TPTE: variants seen among roughly 807,000 people sequenced by gnomAD.
TPTE encodes the protein transmembrane phosphatase with tensin homology.
TPTE carries 59 observed loss-of-function variants against 84.1 expected under a neutral mutation model. The observed-to-expected ratio is 0.70, with a 90% confidence interval of 0.57 to 0.87. The LOEUF (loss-of-function observed/expected upper bound fraction) is 0.87, where lower values mean the gene tolerates loss of function less well. TPTE is among the 40% of genes least tolerant of loss of function. The probability of loss-of-function intolerance (pLI) is 0.00; values close to 1 mark genes in which losing one functional copy is unlikely to be tolerated. For synonymous variants in TPTE, 130 were observed against 223.5 expected (o/e 0.58, Z 3.73); for missense variants, 382 against 659.6 (o/e 0.58, Z 4.61).
At chr21:10,568,771 G>T (rs1222771337) in intron 11 of TPTE, among the ~76,000 whole-genome samples, 1 of 152,426 alleles carries the variant, frequency 6.6e-6, no homozygotes, top group Non-Finnish European at 1.5e-5. Flanking sequence ...CAGTATCTCT[G>T]GGACCCAGCA....
rs371883787 is a variant in TPTE at position 10,598,910 on chromosome 21, C to A, written c.1356+816C>A. Among the ~76,000 whole-genome samples, 5 of 152,424 alleles carry A rather than the reference C, an allele frequency of 3.3e-5. No individual in the cohort carries two copies. In the East Asian group the frequency reaches 9.6e-4, roughly 29 times the overall value. The stretch of plus-strand genomic sequence containing the variant: ...GCCTCTCCCGACTGAGGGCATTCAC[C>A]CAGGCCTGACCCTTGGCTTTGTGTT... On this transcript the variant is annotated intron_variant, in intron 21 of 23. Coordinates refer to ENST00000618007, the MANE Select transcript of TPTE (RefSeq NM_199261.4).
At chr21:10,591,652 G>A (rs6582751) in intron 18 of TPTE, among the ~76,000 whole-genome samples, 2,484 of 148,514 alleles carry the variant, frequency 0.017, no homozygotes, top group African/African-American at 0.063. Context: ...GAGACCCAGG[G>A]ACATGTATGC....
At chr21:10,556,914 T>C (rs2074695483) in intron 8 of TPTE, among the ~76,000 whole-genome samples, 1 of 152,304 alleles carries the variant, frequency 6.6e-6, no homozygotes, top group Non-Finnish European at 1.5e-5. Context: ...TGTAAATTTG[T>C]TTGAGTTCTT....
intron 8 of TPTE, among the ~76,000 whole-genome samples, chr21:10,557,026 A>G (rs150471): frequency 0.22 from 31,337 of 142,976 alleles, 319 homozygotes; most frequent in African/African-American, 0.48. Context: ...TTCTTTTGCT[A>G]TGCAGAAGCT....
At chr21:10,564,181 G>T (rs2074867179) in intron 10 of TPTE, among the ~76,000 whole-genome samples, 2 of 152,288 alleles carry the variant, frequency 1.3e-5, no homozygotes, top group Admixed American at 1.3e-4. Context: ...AAAACCCATT[G>T]CTCTGTTGCC....
chr21:10,596,301 T>C (rs2075587926), intron 20 of TPTE, among the ~76,000 whole-genome samples: 1 of 152,310 alleles, frequency 6.6e-6, no homozygotes, highest in African/African-American at 2.4e-5. Flanking sequence ...TTCTTTTCCA[T>C]CACCAATTTG....
chr21:10,566,537 A>G (rs541283138), intron 10 of TPTE, among the ~76,000 whole-genome samples: 3 of 152,428 alleles, frequency 2.0e-5, no homozygotes, highest in South Asian at 4.1e-4. Flanking sequence ...ATCACTATAT[A>G]GAAGAGATAT....
At chr21:10,571,233 C>T (rs2075036389) in intron 14 of TPTE, among the ~76,000 whole-genome samples, 1 of 152,312 alleles carries the variant, frequency 6.6e-6, no homozygotes, top group African/African-American at 2.4e-5. Context: ...CACTGAGGCA[C>T]TCACAGACAC....
chr21:10,570,916 A>G (rs373218479), intron 14 of TPTE, among the ~76,000 whole-genome samples: 2 of 152,302 alleles, frequency 1.3e-5, no homozygotes, highest in African/African-American at 4.8e-5. Flanking sequence ...TGACTTGGCT[A>G]CCCTCGACTG....
At chr21:10,604,172 C>G (rs1978977367) in intron 23 of TPTE, among the ~76,000 whole-genome samples, 1 of 152,430 alleles carries the variant, frequency 6.6e-6, no homozygotes, top group Non-Finnish European at 1.5e-5. Context: ...ATATGGCTTT[C>G]TAATAACTGA....
At position 10,532,539 on chromosome 21, in the gene TPTE, A is replaced by G. The variant is rs535354622; in HGVS notation, c.-44+5127A>G. Among the ~76,000 whole-genome samples the G allele has an allele frequency of 3.9e-5, 6 of 152,424 alleles. No individual in the cohort carries two copies. The East Asian group carries it at 7.7e-4, about 20-fold the overall frequency. ...TTATGTTTTGCTTCCTTATTACTCC[A>G]TAGACTTTGCCATGTGTTCCTTTTC... On this transcript the variant is annotated intron_variant, in intron 3 of 23. Transcript: ENST00000618007.
At chr21:10,571,473 C>T (rs2075042304) in intron 14 of TPTE, among the ~76,000 whole-genome samples, 2 of 152,306 alleles carry the variant, frequency 1.3e-5, no homozygotes, top group Admixed American at 6.5e-5. Flanking sequence ...CATTACACCT[C>T]CAAAGAAACA....
At chr21:10,594,323 T>C (rs1273590884) in intron 19 of TPTE, among the ~76,000 whole-genome samples, 5 of 152,306 alleles carry the variant, frequency 3.3e-5, no homozygotes, top group Non-Finnish European at 7.3e-5. Flanking sequence ...TAGAGCCCTT[T>C]GTGTTTCTTT....
chr21:10,576,548 T>A (rs1309836039), intron 14 of TPTE: 1 of 153,100 alleles, frequency 6.5e-6, no homozygotes, highest in Non-Finnish European at 1.5e-5. Flanking sequence ...GTTCATCTTT[T>A]TGACTTATTA....
chr21:10,589,767 G>T (rs1228929806), intron 17 of TPTE, among the ~76,000 whole-genome samples: 1 of 152,310 alleles, frequency 6.6e-6, no homozygotes, highest in Non-Finnish European at 1.5e-5. Flanking sequence ...ATGCTGTCCT[G>T]AGGGCTGCTT....
At chr21:10,584,879 AGTGT>A (rs56198162) in intron 17 of TPTE, among the ~76,000 whole-genome samples, 10,367 of 148,064 alleles carry the variant, frequency 0.07, 7 homozygotes, top group African/African-American at 0.15. Context: ...ATGCTTTACG[AGTGT>A]GTGTGTGTGT....
chr21:10,543,031 T>C (rs1480675022), intron 6 of TPTE, among the ~76,000 whole-genome samples: 1 of 81,054 alleles, frequency 1.2e-5, no homozygotes, highest in Non-Finnish European at 2.2e-5. Flanking sequence ...TTTTTTTTTT[T>C]TTTTTTTTTG....
At chr21:10,536,995 T>A in intron 3 of TPTE, among the ~76,000 whole-genome samples, 1 of 152,418 alleles carries the variant, frequency 6.6e-6, no homozygotes, top group South Asian at 2.1e-4. Context: ...TACCACCATG[T>A]GAGGCTAACA....
chr21:10,564,594 A>C (rs971750508), intron 10 of TPTE, among the ~76,000 whole-genome samples: 5 of 152,298 alleles, frequency 3.3e-5, no homozygotes, highest in African/African-American at 1.2e-4. Context: ...TTGATGCAAA[A>C]ATCCTCAACA....
Sources: gnomAD v4.1 joint callset for allele counts (sites outside exome capture counted in the v4.1 genomes callset) on GRCh38, gnomAD v4.1.1 for gene constraint, MANE v1.5 for transcripts, NCBI Gene and HGNC (gene_info 2026-07-23, HGNC 2026-07-21) for gene names.